Variants in GRAMD1C observed in about 807,000 individuals in gnomAD.
GRAMD1C encodes protein Aster-C.
A neutral mutation model predicts 97.8 loss-of-function variants in GRAMD1C; 89 were observed. The ratio of observed to expected loss-of-function variants is 0.91; its 90% CI spans 0.77 to 1.09. The LOEUF is 1.09. GRAMD1C is among the 50% of genes least tolerant of loss of function. The pLI is 0.00. For synonymous variants in GRAMD1C, 256 were observed against 267.0 expected (o/e 0.96, Z 0.40); for missense variants, 740 against 766.4 (o/e 0.97, Z 0.41).
chr3:113,941,178 T>C (rs1212707970), intron 17 of GRAMD1C, among the ~76,000 whole-genome samples: 1 of 152,088 alleles, frequency 6.6e-6, no homozygotes, highest in African/African-American at 2.4e-5. Context: ...TTCACCTAAC[T>C]GAAAATTTTT....
intron 10 of GRAMD1C, among the ~76,000 whole-genome samples, chr3:113,917,295 T>C (rs2107343027): frequency 6.6e-6 from 1 of 152,294 alleles, no homozygotes; most frequent in Admixed American, 6.5e-5. Flanking sequence ...TTTGACATAG[T>C]CAAAGAGAAA....
At chr3:113,863,744 G>A (rs1046522968) in intron 2 of GRAMD1C, among the ~76,000 whole-genome samples, 1 of 152,178 alleles carries the variant, frequency 6.6e-6, no homozygotes, top group Admixed American at 6.5e-5. Flanking sequence ...ATGAGTTGCA[G>A]TTGCACACTG....
At chr3:113,943,191 G>C (rs1029945842) in intron 17 of GRAMD1C, among the ~76,000 whole-genome samples, 2 of 152,136 alleles carry the variant, frequency 1.3e-5, no homozygotes, top group African/African-American at 4.8e-5. Context: ...GGTCCCCAGT[G>C]ACATCTGGCT....
chr3:113,887,423 G>T (rs975497280), intron 6 of GRAMD1C, among the ~76,000 whole-genome samples: 1 of 151,764 alleles, frequency 6.6e-6, no homozygotes, highest in African/African-American at 2.4e-5. Context: ...AAATGAGGCC[G>T]GGCACTGTGG....
intron 5 of GRAMD1C, 25 bp downstream of exon 5, chr3:113,876,285 T>C: frequency 8.3e-7 from 1 of 1,209,096 alleles, no homozygotes; most frequent in Non-Finnish European, 1.2e-6. Flanking sequence ...ATCTTTGTTA[T>C]ATTACATAAT....
intron 6 of GRAMD1C, among the ~76,000 whole-genome samples, chr3:113,884,766 G>A (rs1935387879): frequency 6.6e-6 from 1 of 151,900 alleles, no homozygotes; most frequent in Admixed American, 6.6e-5. Flanking sequence ...GTGAACCCGG[G>A]AGGCGGAGCT....
intron 9 of GRAMD1C, chr3:113,913,037 A>C (rs2712341): frequency 0.36 from 278,248 of 767,652 alleles, 51,478 homozygotes; most frequent in Middle Eastern, 0.4. Context: ...TAACATAGAG[A>C]CTGCTTTATT....
At chr3:113,899,541 C>T (rs1039025721) in intron 6 of GRAMD1C, among the ~76,000 whole-genome samples, 2 of 152,276 alleles carry the variant, frequency 1.3e-5, no homozygotes, top group East Asian at 1.9e-4. Flanking sequence ...AGTGCAGTAA[C>T]GCACATTTGT....
intron 6 of GRAMD1C, among the ~76,000 whole-genome samples, chr3:113,897,222 T>C (rs1342721339): frequency 1.3e-5 from 2 of 152,160 alleles, no homozygotes; most frequent in African/African-American, 4.8e-5. Flanking sequence ...GAGGTAATCA[T>C]GACATTCCCA....
rs1292549478 is a variant in GRAMD1C at position 113,867,879 on chromosome 3, A to G, written c.175-1628A>G. Among the ~76,000 whole-genome samples, 6 of 151,874 alleles carry G rather than the reference A, an allele frequency of 4.0e-5. No homozygotes were observed. In the East Asian group the frequency reaches 5.8e-4, roughly 15 times the overall value. ...CCATTATTTCTTCAAATATTTTTCT[A>G]TCTTCCCCTTTTTCCTTCTGATACT... On this transcript the variant is annotated intron_variant, in intron 2 of 17. Coordinates refer to ENST00000358160, the MANE Select transcript of GRAMD1C (RefSeq NM_017577.5).
chr3:113,856,972 A>G (rs1215126393), intron 2 of GRAMD1C, among the ~76,000 whole-genome samples: 1 of 151,498 alleles, frequency 6.6e-6, no homozygotes, highest in South Asian at 2.1e-4. Context: ...CTGAGTGGTT[A>G]GGACTACAGG....
Position 113,869,498 on chromosome 3 carries a change from T to C in GRAMD1C, c.175-9T>C, listed in dbSNP as rs1382096544. 3 of 1,300,958 alleles carry C rather than the reference T, an allele frequency of 2.3e-6. No homozygotes were observed. The highest frequency in any genetic ancestry group is 4.0e-5 in the Admixed American group (2 of 49,528). 80.6% of individuals were successfully genotyped at this position (1,300,958 alleles called of 1,614,324 possible). On this transcript the variant is annotated splice_polypyrimidine_tract_variant and intron_variant, in intron 2 of 17. Transcript: ENST00000358160. ...ATTAGACAGAAATGTAATCTTTTTA[T>C]TGTTGCAGATTTCAAGTTCCACCTA...
At chr3:113,873,129 G>A (rs988524099) in intron 3 of GRAMD1C, among the ~76,000 whole-genome samples, 1 of 145,176 alleles carries the variant, frequency 6.9e-6, no homozygotes, top group South Asian at 2.2e-4. Flanking sequence ...GTGTGGTGGC[G>A]CACGCTTTTA....
intron 9 of GRAMD1C, 135 bp downstream of exon 9, chr3:113,909,255 G>T: frequency 2.3e-6 from 1 of 426,576 alleles, no homozygotes. Context: ...AAAAAAGAAT[G>T]GGAGCTTATA....
chr3:113,856,383 T>C (rs193251459), intron 2 of GRAMD1C, among the ~76,000 whole-genome samples: 1 of 152,314 alleles, frequency 6.6e-6, no homozygotes, highest in Non-Finnish European at 1.5e-5. Context: ...AATTAAGCTA[T>C]TGACATGGAT....
chr3:113,890,024 A>G (rs897217256), intron 6 of GRAMD1C, among the ~76,000 whole-genome samples: 3 of 152,050 alleles, frequency 2.0e-5, no homozygotes, highest in Non-Finnish European at 2.9e-5. Flanking sequence ...TGAAGTGGAC[A>G]GACACATTTT....
At chr3:113,838,193 G>A (rs1198477528), upstream of GRAMD1C, among the ~76,000 whole-genome samples, 1 of 152,280 alleles carries the variant, frequency 6.6e-6, no homozygotes, top group African/African-American at 2.4e-5. Flanking sequence ...GGTGGGCCTC[G>A]GCATTTTATT....
At chr3:113,843,665 G>C (rs1198958163) in intron 1 of GRAMD1C, among the ~76,000 whole-genome samples, 1 of 152,050 alleles carries the variant, frequency 6.6e-6, no homozygotes, top group Non-Finnish European at 1.5e-5. Context: ...GCAGAGACAG[G>C]GTTTCATTAT....
intron 1 of GRAMD1C, among the ~76,000 whole-genome samples, chr3:113,840,562 A>G (rs114244217): frequency 6.6e-6 from 1 of 152,028 alleles, no homozygotes; most frequent in East Asian, 1.9e-4. Context: ...GCAACAAAGC[A>G]AGACCCTGTA....
Sources: allele counts gnomAD v4.1 joint callset (sites outside exome capture counted in the v4.1 genomes callset), GRCh38; gene constraint gnomAD v4.1.1; transcripts MANE v1.5; gene names NCBI Gene and HGNC (gene_info 2026-07-23, HGNC 2026-07-21).